UTRN: variants seen among roughly 807,000 people sequenced by gnomAD.
UTRN encodes dystrophin-related protein 1.
UTRN carries 283 observed loss-of-function variants against 463.9 expected under a neutral mutation model. The ratio of observed to expected loss-of-function variants is 0.61; its 90% CI spans 0.55 to 0.67. The LOEUF is 0.67. UTRN is among the 30% of genes least tolerant of loss of function. The pLI is 0.00. For missense variants in UTRN, 3,922 were observed against 4,084.3 expected (o/e 0.96, Z 1.08); for synonymous variants, 1,442 against 1,431.5 (o/e 1.01, Z -0.17).
At chr6:144,394,933 T>C (rs1782265679) in intron 2 of UTRN, among the ~76,000 whole-genome samples, 1 of 152,166 alleles carries the variant, frequency 6.6e-6, no homozygotes, top group African/African-American at 2.4e-5. Flanking sequence ...TGAGAAAGTC[T>C]GAAGGTCAAA....
At chr6:144,466,992 C>T (rs1790023585) in intron 23 of UTRN, among the ~76,000 whole-genome samples, 1 of 152,210 alleles carries the variant, frequency 6.6e-6, no homozygotes, top group African/African-American at 2.4e-5. Context: ...CTCTGGAATT[C>T]ATCTTTCACA....
intron 3 of UTRN, among the ~76,000 whole-genome samples, chr6:144,405,056 A>G (rs1783262775): frequency 6.6e-6 from 1 of 152,094 alleles, no homozygotes; most frequent in Non-Finnish European, 1.5e-5. Context: ...TTTTTAGTAA[A>G]AGTTATAGTT....
chr6:144,463,146 G>A (rs1020628829), intron 23 of UTRN, among the ~76,000 whole-genome samples: 1 of 152,204 alleles, frequency 6.6e-6, no homozygotes. Context: ...GGCATGGAGG[G>A]CCTGTGTGAA....
chr6:144,648,237 A>G (rs904888823), intron 51 of UTRN, among the ~76,000 whole-genome samples: 9 of 152,158 alleles, frequency 5.9e-5, no homozygotes, highest in Admixed American at 2.6e-4. Context: ...CATTCCCAAT[A>G]GAGTGAAAAT....
At chr6:144,356,698 A>C (rs1377470785) in intron 2 of UTRN, among the ~76,000 whole-genome samples, 4 of 152,166 alleles carry the variant, frequency 2.6e-5, no homozygotes, top group Admixed American at 1.3e-4. Context: ...CTGTAATCCC[A>C]GCTACTTGGG....
intron 58 of UTRN, among the ~76,000 whole-genome samples, chr6:144,771,462 G>A (rs1456879673): frequency 6.6e-6 from 1 of 151,924 alleles, no homozygotes; most frequent in Non-Finnish European, 1.5e-5. Context: ...GTCTCACTCT[G>A]TCACCCAGGC....
intron 50 of UTRN, 63 bp from the exon 51 acceptor site, chr6:144,577,036 C>G (rs879164358): frequency 4.7e-6 from 7 of 1,502,310 alleles, no homozygotes; most frequent in Non-Finnish European, 5.5e-6. Flanking sequence ...TTAGGGGATG[C>G]GTGATGTGGA....
intron 3 of UTRN, among the ~76,000 whole-genome samples, chr6:144,405,268 T>TCA (rs1479710145): frequency 2.0e-5 from 3 of 152,196 alleles, no homozygotes; most frequent in African/African-American, 7.2e-5. Flanking sequence ...GATGGGAAGC[T>TCA]CATGGCAGTG....
At chr6:144,827,074 C>G (rs1780247085) in intron 66 of UTRN, among the ~76,000 whole-genome samples, 1 of 151,892 alleles carries the variant, frequency 6.6e-6, no homozygotes, top group South Asian at 2.1e-4. Context: ...TGGTTTTTTC[C>G]CCAGTATGAC....
At chr6:144,326,720 C>T (rs73591113) in intron 2 of UTRN, among the ~76,000 whole-genome samples, 7,489 of 152,228 alleles carry the variant, frequency 0.049, 553 homozygotes, top group East Asian at 0.2. Context: ...CTTCCTTCTG[C>T]TCTTCTCCAT....
At chr6:144,360,809 ACCTT>A (rs1779016906) in intron 2 of UTRN, among the ~76,000 whole-genome samples, 1 of 152,124 alleles carries the variant, frequency 6.6e-6, no homozygotes, top group South Asian at 2.1e-4. Flanking sequence ...CTTGATAATG[ACCTT>A]TTTATTATTG....
chr6:144,759,937 ATTGAC>A (rs1338751555), intron 58 of UTRN, among the ~76,000 whole-genome samples: 1 of 152,196 alleles, frequency 6.6e-6, no homozygotes, highest in Non-Finnish European at 1.5e-5. Context: ...AATTTATTGA[ATTGAC>A]TTAGAGTCTT....
chr6:144,590,160 T>C (rs892909282), intron 51 of UTRN, among the ~76,000 whole-genome samples: 3 of 152,124 alleles, frequency 2.0e-5, no homozygotes, highest in African/African-American at 7.2e-5. Context: ...TATGTACTTG[T>C]TTTCCTAGAA....
Position 144,286,595 on chromosome 6 carries a change from C to T in UTRN, c.-93+774C>T, listed in dbSNP as rs1429595431. On this transcript the variant is annotated intron_variant, in intron 1 of 74. Transcript: ENST00000367545. The surrounding 1 kb of genome is among the most constrained non-coding windows in gnomAD (Gnocchi z 4.4). Reference sequence around the variant, plus strand: ...AGGTAATTCATGCCCCGCTTTGGCCCGGGGTCCGAGGCTGTGGTTGCTCAA... The same window carrying T: ...AGGTAATTCATGCCCCGCTTTGGCCTGGGGTCCGAGGCTGTGGTTGCTCAA... Among the ~76,000 whole-genome samples the T allele has an allele frequency of 6.6e-6, 1 of 152,024 alleles. No individual in the cohort carries two copies. Among genetic ancestry groups the T allele is most frequent in the South Asian group, 2.1e-4 (1 of 4,806 alleles).
rs375001431 is a variant in UTRN, at chr6:144,660,406, T to C, written c.7480-18000T>C. ...TATAATTTATAAGGAATATTCAATT[T>C]TGCTGTCTCCTTTAAAGATGTTTTT... is the stretch of plus-strand genomic sequence containing the variant. On this transcript the variant is annotated intron_variant, in intron 51 of 74. Transcript: ENST00000367545. 413 of 378,914 alleles carry C rather than the reference T, an allele frequency of 1.1e-3. 1 individual carries two copies. Among genetic ancestry groups the C allele is most frequent in the Middle Eastern group, 2.8e-3 (6 of 2,110 alleles). 23.5% of individuals were successfully genotyped at this position (378,914 alleles called of 1,614,324 possible).
intron 48 of UTRN, among the ~76,000 whole-genome samples, chr6:144,551,579 A>C (rs772362534): frequency 1.3e-4 from 20 of 152,224 alleles, no homozygotes; most frequent in Non-Finnish European, 2.6e-4. Context: ...AGAAAACAAC[A>C]ACAAAAAATA....
At chr6:144,491,186 TC>T in intron 32 of UTRN, 84 bp downstream of exon 32, 1 of 1,324,066 alleles carries the variant, frequency 7.6e-7, no homozygotes, top group Non-Finnish European at 1.0e-6. Context: ...GCCTAGTGTG[TC>T]CAGTGATCAC....
At chr6:144,344,198 G>T (rs1777381458) in intron 2 of UTRN, 2 of 1,303,410 alleles carry the variant, frequency 1.5e-6, no homozygotes. Flanking sequence ...CATCATCTAA[G>T]CAGATGTAGG....
chr6:144,579,241 T>C (rs1712325079), intron 51 of UTRN, among the ~76,000 whole-genome samples: 1 of 152,228 alleles, frequency 6.6e-6, no homozygotes, highest in African/African-American at 2.4e-5. Context: ...TAAATGTTAA[T>C]TGATAAAATA....
Sources: gnomAD v4.1 joint callset for allele counts (sites outside exome capture counted in the v4.1 genomes callset) on GRCh38, gnomAD v4.1.1 for gene constraint, Gnocchi (gnomAD v3.1) non-coding constraint, MANE v1.5 for transcripts, NCBI Gene and HGNC (gene_info 2026-07-23, HGNC 2026-07-21) for gene names.